Variants in ATRX observed in about 807,000 individuals in gnomAD.
ATRX encodes the protein ATRX chromatin remodeler, also known as chromatin remodeler ATRX.
ATRX carries 12 observed loss-of-function variants against 172.6 expected under a neutral mutation model. The observed-to-expected ratio is 0.07, with a 90% CI of 0.04 to 0.11. The LOEUF (loss-of-function observed/expected upper bound fraction) is 0.11. ATRX is among the 10% of genes least tolerant of loss of function. The pLI is 1.00. For missense variants in ATRX, 1,368 were observed against 1,767.4 expected, an observed-to-expected ratio of 0.77 and a Z score of 4.05; for synonymous variants, 674 against 594.7, an observed-to-expected ratio of 1.13 and a Z score of -1.94.
At chrX:77,510,701 C>G (rs1289109422) in intron 34 of ATRX, among the ~76,000 whole-genome samples, 2 of 112,035 alleles carry the variant, frequency 1.8e-5, no homozygotes, top group African/African-American at 3.2e-5. Flanking sequence ...GGGAGAGACT[C>G]CTTTGCTTGT....
At chrX:77,622,054 ACT>A (rs1210403810) in intron 19 of ATRX, among the ~76,000 whole-genome samples, 1 of 111,509 alleles carries the variant, frequency 9.0e-6, no homozygotes, top group African/African-American at 3.3e-5. Flanking sequence ...ACTCTCATAC[ACT>A]CTGTGGGAGT....
chrX:77,768,491 AATT>A (rs2076049765), intron 1 of ATRX, among the ~76,000 whole-genome samples: 1 of 112,374 alleles, frequency 8.9e-6, no homozygotes. Context: ...TTAGTACAGA[AATT>A]ATCCTTTTAT....
intron 1 of ATRX, among the ~76,000 whole-genome samples, chrX:77,725,897 C>T (rs782011383): frequency 1.8e-5 from 2 of 112,380 alleles, no homozygotes; most frequent in East Asian, 5.6e-4. Flanking sequence ...GGTCATCAGA[C>T]AAATGCAAAT....
intron 15 of ATRX, among the ~76,000 whole-genome samples, chrX:77,646,161 AC>A (rs2068899695): frequency 8.9e-6 from 1 of 112,095 alleles, no homozygotes; most frequent in South Asian, 3.7e-4. Flanking sequence ...GATCAAAAAG[AC>A]ATAGATGGAC....
At chrX:77,664,025 C>T (rs782641883) in intron 11 of ATRX, among the ~76,000 whole-genome samples, 35 of 107,494 alleles carry the variant, frequency 3.3e-4, no homozygotes, top group Admixed American at 6.0e-4. Flanking sequence ...CGCTTGAACC[C>T]GGGAGGCAGA....
At chrX:77,632,432 C>CTTATT (rs1173081648) in intron 19 of ATRX, among the ~76,000 whole-genome samples, 2 of 111,062 alleles carry the variant, frequency 1.8e-5, no homozygotes, top group African/African-American at 6.5e-5. Flanking sequence ...AAGAGATAAA[C>CTTATT]TTATTATTAG....
rs781957872 is a variant in ATRX at position 77,505,827 on chromosome X, TA to T, written c.*2523del. 9.4e-5 allele frequency: 16 copies of T among 169,825 alleles called. No homozygotes were observed. Among genetic ancestry groups the T allele is most frequent in the Admixed American group, 1.6e-4 (2 of 12,443 alleles). The allele number at this position is 169,825 out of a possible 1,213,427, so 14.0% of individuals were successfully genotyped here. ...ATTGTCATACTTGAATGCTTTTCTT[TA>T]AAAACACAATTCCAGTCCTTATATA... On this transcript the variant is annotated 3_prime_UTR_variant, in exon 35 of 35. Coordinates refer to ENST00000373344, the MANE Select transcript of ATRX (RefSeq NM_000489.6).
chrX:77,506,890 C>T lies in ATRX; in HGVS notation c.*1461G>A. On this transcript the variant is annotated 3_prime_UTR_variant, in exon 35 of 35. Coordinates refer to ENST00000373344, the MANE Select transcript of ATRX (RefSeq NM_000489.6). ...TGATACCTAAAGCAAAGCCCAAACCCAGTTTTCTTTTTTTTTTTTTTTTTT... is the reference window on the plus strand; with the variant it reads ...TGATACCTAAAGCAAAGCCCAAACCTAGTTTTCTTTTTTTTTTTTTTTTTT... The T allele has an allele frequency of 6.6e-6, 1 of 151,542 alleles. No homozygotes were observed. The highest frequency in any genetic ancestry group is 3.5e-5 in the African/African-American group (1 of 28,870). 12.5% of individuals were successfully genotyped at this position (151,542 alleles called of 1,213,427 possible). A position where few individuals can be genotyped will look rare whatever the true frequency, so the allele number is the denominator to read the frequency against.
chrX:77,555,726 G>T (rs782216248), intron 30 of ATRX, among the ~76,000 whole-genome samples: 1 of 110,404 alleles, frequency 9.1e-6, no homozygotes, highest in Admixed American at 9.7e-5. Context: ...GAAAGGGGAG[G>T]GAGAACATTA....
At chrX:77,645,569 T>C in intron 15 of ATRX, among the ~76,000 whole-genome samples, 1 of 111,874 alleles carries the variant, frequency 8.9e-6, no homozygotes, top group East Asian at 2.8e-4. Context: ...GGGAAGTCTT[T>C]GGGTTGAAAT....
At chrX:77,533,207 G>A (rs1367242487) in intron 30 of ATRX, among the ~76,000 whole-genome samples, 5 of 112,453 alleles carry the variant, frequency 4.4e-5, no homozygotes, top group Non-Finnish European at 7.5e-5. Flanking sequence ...CATTGTGGAA[G>A]ACAGTGTGGC....
At chrX:77,690,710 T>C (rs1213706475) in intron 6 of ATRX, 1 of 112,040 alleles carries the variant, frequency 8.9e-6, no homozygotes, top group East Asian at 2.8e-4. Flanking sequence ...ACACCATACT[T>C]TTTCATTTCA....
At chrX:77,724,850 C>T (rs2073956523) in intron 1 of ATRX, among the ~76,000 whole-genome samples, 1 of 111,661 alleles carries the variant, frequency 9.0e-6, no homozygotes, top group African/African-American at 3.3e-5. Flanking sequence ...TTTCTAGAGT[C>T]ATATCATAGA....
chrX:77,521,165 C>T lies in ATRX; in HGVS notation c.7071+238G>A, dbSNP rs1248821589. 5 of 430,526 alleles carry T rather than the reference C, an allele frequency of 1.2e-5. No homozygotes were observed. The African/African-American group carries it at 1.2e-4, about 11-fold the overall frequency. The allele number at this position is 430,526 out of a possible 1,213,427, so 35.5% of individuals were successfully genotyped here. The stretch of plus-strand genomic sequence containing the variant: ...CTGGTAATTAAAATGTTTATATAAA[C>T]AATGCATACATTTCCATGTTTGATT... On this transcript the variant is annotated intron_variant, in intron 33 of 34. Coordinates refer to ENST00000373344, the MANE Select transcript of ATRX (RefSeq NM_000489.6).
intron 1 of ATRX, among the ~76,000 whole-genome samples, chrX:77,766,332 C>T (rs1433409565): frequency 9.0e-6 from 1 of 110,552 alleles, no homozygotes; most frequent in Non-Finnish European, 1.9e-5. Context: ...ACCCCCCCAC[C>T]TCCCTCCTGG....
Position 77,683,204 on chromosome X carries a change from T to C in ATRX, c.2052A>G (p.Thr684=), listed in dbSNP as rs782167421. The change falls in exon 9 of 35, where the codon ACA becomes ACG. Residue 684 remains threonine, a synonymous_variant. Transcript: ENST00000373344. Reference sequence around the variant, plus strand: ...CTGATAGTTTTTGTTTCTCCTTAACTGTTTCATTACATTCTTCATCTGAAT... The same window carrying C: ...CTGATAGTTTTTGTTTCTCCTTAACCGTTTCATTACATTCTTCATCTGAAT... The part of the protein sequence containing the change: ...TSNSDEECNE[T]VKEKQKLSVP... The C allele has an allele frequency of 8.3e-7, 1 of 1,211,043 alleles. No homozygotes were observed. Among genetic ancestry groups the C allele is most frequent in the Non-Finnish European group, 1.1e-6 (1 of 894,773 alleles).
chrX:77,648,192 C>T (rs182625531), intron 15 of ATRX, among the ~76,000 whole-genome samples: 1 of 111,767 alleles, frequency 8.9e-6, no homozygotes, highest in Non-Finnish European at 1.9e-5. Context: ...TAGTTGGAGA[C>T]ATCAACACTC....
At position 77,557,259 on chromosome X, in the gene ATRX, G is replaced by C. The variant is rs1034920662; in HGVS notation, c.6699+192C>G. ...GTGTTTCAGAATATACTATCTTTTT[G>C]TGGTGCTATATGGAGAACAGATCAA... is the stretch of plus-strand genomic sequence containing the variant. On this transcript the variant is annotated intron_variant, in intron 30 of 34. Coordinates refer to ENST00000373344, the MANE Select transcript of ATRX (RefSeq NM_000489.6). Among the ~76,000 whole-genome samples the C allele has an allele frequency of 2.7e-5, 3 of 110,942 alleles. No individual in the cohort carries two copies. The Admixed American group carries it at 2.9e-4, about 11-fold the overall frequency.
At chrX:77,670,560 G>A (rs1219664276) in intron 10 of ATRX, among the ~76,000 whole-genome samples, 1 of 110,729 alleles carries the variant, frequency 9.0e-6, no homozygotes, top group Non-Finnish European at 1.9e-5. Flanking sequence ...TTTGAGACCA[G>A]CCTGGCCAAC....
Sources: allele counts gnomAD v4.1 joint callset (sites outside exome capture counted in the v4.1 genomes callset), GRCh38; gene constraint gnomAD v4.1.1; transcripts MANE v1.5; gene names NCBI Gene and HGNC (gene_info 2026-07-23, HGNC 2026-07-21).